The following CNBD1 variants were observed in gnomAD, a reference collection of about 807,000 sequenced individuals.
The protein encoded by CNBD1 is cyclic nucleotide-binding domain-containing protein 1.
In CNBD1, 71 loss-of-function variants were observed where a neutral mutation model predicts 54.4. The ratio of observed to expected loss-of-function variants is 1.30; its 90% CI spans 1.08 to 1.59. CNBD1 has a LOEUF of 1.59. Ranked by LOEUF, CNBD1 falls within the 40% of genes most tolerant of loss-of-function variation. The probability of loss-of-function intolerance (pLI) is 0.00; values close to 1 mark genes in which losing one functional copy is unlikely to be tolerated. For missense variants in CNBD1, 659 were observed against 518.0 expected, an observed-to-expected ratio of 1.27 and a Z score of -2.64; for synonymous variants, 182 against 170.7, an observed-to-expected ratio of 1.07 and a Z score of -0.51.
chr8:86,925,132 C>T (rs1809336505), intron 3 of CNBD1, among the ~76,000 whole-genome samples: 1 of 152,086 alleles, frequency 6.6e-6, no homozygotes, highest in Admixed American at 6.6e-5. Context: ...GTCTTGGACT[C>T]CTCAATTTTA....
At chr8:87,007,854 A>G (rs1190177362) in intron 4 of CNBD1, among the ~76,000 whole-genome samples, 1 of 152,140 alleles carries the variant, frequency 6.6e-6, no homozygotes, top group Non-Finnish European at 1.5e-5. Context: ...AGTTGAGCAG[A>G]TTGATTTACT....
intron 4 of CNBD1, among the ~76,000 whole-genome samples, chr8:86,964,249 A>G (rs973333256): frequency 9.8e-5 from 15 of 152,346 alleles, no homozygotes; most frequent in African/African-American, 3.4e-4. Context: ...GTCTAGTCCC[A>G]GTCCCTTGCA....
intron 5 of CNBD1, among the ~76,000 whole-genome samples, chr8:87,217,369 C>T (rs1302146661): frequency 2.0e-5 from 3 of 151,758 alleles, no homozygotes; most frequent in Admixed American, 6.6e-5. Context: ...GTTTTATCCC[C>T]AAGTAATTGG....
intron 5 of CNBD1, among the ~76,000 whole-genome samples, chr8:87,235,518 G>A (rs1807566386): frequency 6.6e-6 from 1 of 152,084 alleles, no homozygotes; most frequent in Non-Finnish European, 1.5e-5. Flanking sequence ...TGAGGACAGG[G>A]AGAGAGATGG....
chr8:87,425,506 G>T (rs1009017130), intron 2 of CNBD1, among the ~76,000 whole-genome samples: 1 of 152,296 alleles, frequency 6.6e-6, no homozygotes, highest in Middle Eastern at 3.4e-3. Context: ...TGGTGTGGAT[G>T]TCCTTTCTGT....
intron 4 of CNBD1, among the ~76,000 whole-genome samples, chr8:87,015,650 C>CTAAG (rs143046716): frequency 0.032 from 4,844 of 152,002 alleles, 239 homozygotes; most frequent in African/African-American, 0.11. Context: ...TTTTACTAAT[C>CTAAG]TAAGGGAAAA....
intron 4 of CNBD1, among the ~76,000 whole-genome samples, chr8:87,143,351 G>T (rs79181248): frequency 0.011 from 1,623 of 152,100 alleles, 39 homozygotes; most frequent in African/African-American, 0.037. Flanking sequence ...TTTTCAAGCC[G>T]GCAGATTGTC....
At chr8:87,424,068 G>A (rs1256305693) in intron 2 of CNBD1, among the ~76,000 whole-genome samples, 3 of 152,204 alleles carry the variant, frequency 2.0e-5, no homozygotes, top group African/African-American at 7.2e-5. Flanking sequence ...TTGTGTAGAA[G>A]TGTTTGTAGT....
intron 4 of CNBD1, among the ~76,000 whole-genome samples, chr8:87,034,426 C>T (rs1373419947): frequency 6.6e-6 from 1 of 152,184 alleles, no homozygotes; most frequent in African/African-American, 2.4e-5. Flanking sequence ...AACTCTTGAG[C>T]TCATCTCAAC....
intron 1 of CNBD1, among the ~76,000 whole-genome samples, chr8:86,867,604 T>G (rs1808383631): frequency 6.6e-6 from 1 of 152,184 alleles, no homozygotes; most frequent in East Asian, 1.9e-4. Context: ...TGTATTATAG[T>G]GAAAATAATC....
At chr8:87,425,114 G>A (rs191610750) in intron 2 of CNBD1, among the ~76,000 whole-genome samples, 1,837 of 151,738 alleles carry the variant, frequency 0.012, 39 homozygotes, top group African/African-American at 0.039. Flanking sequence ...TGATCGCATC[G>A]GCTCCTGAGG....
At chr8:87,342,480 T>C (rs1048731869) in intron 8 of CNBD1, among the ~76,000 whole-genome samples, 6 of 152,172 alleles carry the variant, frequency 3.9e-5, no homozygotes, top group African/African-American at 1.4e-4. Flanking sequence ...AATTATGTTA[T>C]CTAATTATGA....
chr8:87,079,924 T>C (rs1255311936), intron 4 of CNBD1, among the ~76,000 whole-genome samples: 1 of 152,228 alleles, frequency 6.6e-6, no homozygotes, highest in African/African-American at 2.4e-5. Context: ...TTTTTCTCAT[T>C]TTTTTCTTCC....
chr8:86,989,422 T>G (rs1009240915), intron 4 of CNBD1, among the ~76,000 whole-genome samples: 2 of 152,090 alleles, frequency 1.3e-5, no homozygotes, highest in Non-Finnish European at 2.9e-5. Flanking sequence ...AATAGAATGG[T>G]AGTTTCTAGT....
chr8:87,309,513 G>A (rs140831071), intron 8 of CNBD1, among the ~76,000 whole-genome samples: 23 of 152,018 alleles, frequency 1.5e-4, no homozygotes, highest in African/African-American at 3.6e-4. Flanking sequence ...ATATGATTTC[G>A]GGAAATATAA....
chr8:87,328,103 A>T (rs999946370), intron 8 of CNBD1, among the ~76,000 whole-genome samples: 1 of 152,016 alleles, frequency 6.6e-6, no homozygotes, highest in South Asian at 2.1e-4. Flanking sequence ...ACCCACATGC[A>T]TTAGGTGTTT....
chr8:87,415,598 G>A (rs1268100432), intron 2 of CNBD1, among the ~76,000 whole-genome samples: 1 of 151,948 alleles, frequency 6.6e-6, no homozygotes, highest in Non-Finnish European at 1.5e-5. Flanking sequence ...TGCAATTCCT[G>A]AAACTTGTCC....
chr8:87,268,345 G>A (rs535184814), intron 6 of CNBD1, among the ~76,000 whole-genome samples: 1 of 152,172 alleles, frequency 6.6e-6, no homozygotes, highest in East Asian at 1.9e-4. Context: ...TCTTTATCCA[G>A]TCCACCATGA....
At chr8:87,204,550 C>T (rs1813929118) in intron 4 of CNBD1, among the ~76,000 whole-genome samples, 1 of 152,186 alleles carries the variant, frequency 6.6e-6, no homozygotes, top group African/African-American at 2.4e-5. Flanking sequence ...GAAAACTGAT[C>T]AAACTTGAAT....
Sources: allele counts gnomAD v4.1 joint callset (sites outside exome capture counted in the v4.1 genomes callset), GRCh38; gene constraint gnomAD v4.1.1; transcripts MANE v1.5; gene names NCBI Gene and HGNC (gene_info 2026-07-23, HGNC 2026-07-21).